The following ADGRL2 variants were observed in gnomAD, a reference collection of about 807,000 sequenced individuals.
The protein encoded by ADGRL2 is adhesion G protein-coupled receptor L2, also known as calcium-independent alpha-latrotoxin receptor 2.
Under a neutral mutation model 157.4 loss-of-function variants are expected in ADGRL2, and 44 were observed. The observed-to-expected ratio is 0.28, with a 90% CI of 0.22 to 0.36. The LOEUF is 0.36. ADGRL2 is among the 10% of genes least tolerant of loss of function. ADGRL2 has a pLI of 1.00. For synonymous variants in ADGRL2, 585 were observed against 624.7 expected (o/e 0.94, Z 0.95); for missense variants, 1,510 against 1,768.9 (o/e 0.85, Z 2.63).
chr1:81,662,089 A>T (rs1406787118), intron 3 of ADGRL2, among the ~76,000 whole-genome samples: 1 of 152,150 alleles, frequency 6.6e-6, no homozygotes, highest in Non-Finnish European at 1.5e-5. Flanking sequence ...GTGCAGTGTG[A>T]AATAGCACAT....
At chr1:81,340,983 C>T (rs1662031151) in intron 1 of ADGRL2, among the ~76,000 whole-genome samples, 1 of 151,810 alleles carries the variant, frequency 6.6e-6, no homozygotes, top group South Asian at 2.1e-4. Flanking sequence ...AATGGGCATG[C>T]ACTGCTCTTA....
chr1:81,948,193 G>T (rs1650535414), intron 6 of ADGRL2, among the ~76,000 whole-genome samples: 1 of 148,328 alleles, frequency 6.7e-6, no homozygotes, highest in African/African-American at 2.5e-5. Flanking sequence ...CTCCAGCCTG[G>T]TGACAGAGCA....
intron 1 of ADGRL2, among the ~76,000 whole-genome samples, chr1:81,382,198 C>G (rs1009285447): frequency 6.6e-6 from 1 of 152,144 alleles, no homozygotes; most frequent in African/African-American, 2.4e-5. Context: ...TGTTCACTAA[C>G]AGTTAGCAAT....
At chr1:81,844,475 A>G (rs2092711444) in intron 2 of ADGRL2, among the ~76,000 whole-genome samples, 1 of 152,230 alleles carries the variant, frequency 6.6e-6, no homozygotes, top group Non-Finnish European at 1.5e-5. Context: ...TCAGAAGACT[A>G]TTGTAGAACA....
intron 2 of ADGRL2, among the ~76,000 whole-genome samples, chr1:81,516,779 T>C (rs958298755): frequency 2.6e-5 from 4 of 152,184 alleles, no homozygotes; most frequent in African/African-American, 9.7e-5. Context: ...GTATAGACCC[T>C]GTGGGAAAAG....
intron 4 of ADGRL2, among the ~76,000 whole-genome samples, chr1:81,939,351 T>C (rs891496933): frequency 6.6e-6 from 1 of 151,552 alleles, no homozygotes; most frequent in African/African-American, 2.4e-5. Flanking sequence ...GTCATAAAGA[T>C]CTTGGAGGAT....
chr1:81,382,883 A>T (rs995957071), intron 1 of ADGRL2, among the ~76,000 whole-genome samples: 2 of 152,370 alleles, frequency 1.3e-5, no homozygotes, highest in Admixed American at 6.5e-5. Flanking sequence ...TTCAACTAAC[A>T]TTCGGGAATG....
intron 3 of ADGRL2, among the ~76,000 whole-genome samples, chr1:81,683,084 G>A (rs1175317211): frequency 6.6e-6 from 1 of 152,186 alleles, no homozygotes; most frequent in East Asian, 1.9e-4. Flanking sequence ...ACTAAGCTGA[G>A]ATAGTGCCAC....
At chr1:81,704,599 T>A (rs961778280) in intron 1 of ADGRL2, among the ~76,000 whole-genome samples, 3 of 152,224 alleles carry the variant, frequency 2.0e-5, no homozygotes, top group Admixed American at 1.3e-4. Context: ...CCTTCTTCTT[T>A]GGTCCTCTTT....
rs537947776 is a variant in ADGRL2, at chr1:81,505,388, G to A, written c.-248+60299G>A. On this transcript the variant is annotated intron_variant, in intron 2 of 24. Coordinates refer to the ADGRL2 transcript ENST00000370721. ...CCAGTATGTCTTTCTCAGGGGTTTG[G>A]TCACAAAGGATGGACTCTTCCCACC... is the stretch of plus-strand genomic sequence containing the variant. Among the ~76,000 whole-genome samples, 226 of 150,974 alleles carry A rather than the reference G, an allele frequency of 1.5e-3. 2 individuals carry two copies. The highest frequency in any genetic ancestry group is 1.7e-3 in the Non-Finnish European group (116 of 67,900).
chr1:81,510,153 T>C (rs956967803), intron 2 of ADGRL2, among the ~76,000 whole-genome samples: 2 of 152,172 alleles, frequency 1.3e-5, no homozygotes, highest in South Asian at 4.1e-4. Context: ...ATCTTGCTAA[T>C]GAACTAAATT....
intron 1 of ADGRL2, among the ~76,000 whole-genome samples, chr1:81,363,647 A>G (rs2076015860): frequency 6.6e-6 from 1 of 152,136 alleles, no homozygotes; most frequent in Admixed American, 6.6e-5. Context: ...TGTGCTGCTG[A>G]CCAATCAATT....
chr1:81,532,746 C>T (rs1487586069), intron 2 of ADGRL2, among the ~76,000 whole-genome samples: 1 of 151,514 alleles, frequency 6.6e-6, no homozygotes, highest in Non-Finnish European at 1.5e-5. Flanking sequence ...GAGACCTCAC[C>T]ACTACAAAAA....
At chr1:81,973,051 G>A (rs3790882) in intron 17 of ADGRL2, among the ~76,000 whole-genome samples, 3 of 151,816 alleles carry the variant, frequency 2.0e-5, no homozygotes, top group South Asian at 2.1e-4. Context: ...AAATGAGCTC[G>A]TTTGGATCTT....
intron 2 of ADGRL2, among the ~76,000 whole-genome samples, chr1:81,516,866 T>C (rs1238215237): frequency 6.6e-6 from 1 of 152,078 alleles, no homozygotes; most frequent in Non-Finnish European, 1.5e-5. Flanking sequence ...CAAAGTTTCA[T>C]GTCCCCCTCT....
At chr1:81,458,254 T>C (rs113840211) in intron 2 of ADGRL2, among the ~76,000 whole-genome samples, 4 of 152,346 alleles carry the variant, frequency 2.6e-5, no homozygotes, top group African/African-American at 9.6e-5. Flanking sequence ...CCATGAGATC[T>C]ACCCTCTTAA....
At chr1:81,741,353 C>A (rs1224762684) in intron 1 of ADGRL2, among the ~76,000 whole-genome samples, 5 of 151,890 alleles carry the variant, frequency 3.3e-5, no homozygotes, top group Non-Finnish European at 5.9e-5. Context: ...ATTTTTAGTG[C>A]TAACCACTGA....
At chr1:81,551,552 A>T (rs999881882) in intron 2 of ADGRL2, among the ~76,000 whole-genome samples, 2 of 152,182 alleles carry the variant, frequency 1.3e-5, no homozygotes. Context: ...TCCTCATTTC[A>T]TCTATTAAAT....
chr1:81,731,342 G>A (rs372038389), intron 1 of ADGRL2, among the ~76,000 whole-genome samples: 5 of 151,734 alleles, frequency 3.3e-5, no homozygotes, highest in African/African-American at 1.2e-4. Context: ...TCCTACACTG[G>A]CTTTCTAATC....
Sources: gnomAD v4.1 joint callset for allele counts (sites outside exome capture counted in the v4.1 genomes callset) on GRCh38, gnomAD v4.1.1 for gene constraint, MANE v1.5 for transcripts, NCBI Gene and HGNC (gene_info 2026-07-23, HGNC 2026-07-21) for gene names.